Variants in FAT3 observed in about 807,000 individuals in gnomAD.
FAT3 encodes FAT atypical cadherin 3.
In FAT3, 95 loss-of-function variants were observed where a neutral mutation model predicts 310.2. The ratio of observed to expected loss-of-function variants is 0.31; its 90% confidence interval spans 0.26 to 0.36. The LOEUF (loss-of-function observed/expected upper bound fraction) is 0.36. Ranked by LOEUF, FAT3 falls within the 10% of genes least tolerant of loss-of-function variation. The probability of loss-of-function intolerance (pLI) is 1.00; values close to 1 mark genes in which losing one functional copy is unlikely to be tolerated. For missense variants in FAT3, 5,408 were observed against 5,715.6 expected, an observed-to-expected ratio of 0.95 and a Z score of 1.74; for synonymous variants, 2,314 against 2,192.9, an observed-to-expected ratio of 1.06 and a Z score of -1.54.
chr11:92,833,678 C>T (rs1388119582), intron 14 of FAT3, among the ~76,000 whole-genome samples: 1 of 152,156 alleles, frequency 6.6e-6, no homozygotes, highest in Non-Finnish European at 1.5e-5. Flanking sequence ...GGAGGAATTG[C>T]ATCACAGTCT....
intron 2 of FAT3, 115 bp downstream of exon 2, chr11:92,355,519 G>A (rs1341521332): frequency 7.5e-6 from 8 of 1,060,206 alleles, no homozygotes; most frequent in Non-Finnish European, 1.1e-5. Context: ...GGTTGCATTT[G>A]GTGCAGAGAC....
rs2136413453 is a variant in FAT3 at position 92,883,078 on chromosome 11, C to T, written c.12622C>T (p.Pro4208Ser). 1 of 1,613,894 alleles carries T rather than the reference C, an allele frequency of 6.2e-7. No individual in the cohort carries two copies. The highest frequency in any genetic ancestry group is 8.5e-7 in the Non-Finnish European group (1 of 1,179,898). ...AALLNKSNGI[P>S]FRNLRGSGDG... ...CCTGCTTAACAAGAGCAATGGCATC[C>T]CGTTCCGGAACCTGCGCGGCAGTGG... Residue 4208 changes from proline (P) to serine (S), a missense_variant, in exon 24 of 28, where the codon CCG (proline) becomes TCG (serine). Pro to Ser is a moderately conservative substitution (Grantham distance 74). Around this residue, in one of 5 missense-constraint regions of FAT3, gnomAD observed 649 missense variants for 666.2 expected, o/e 0.97. Coordinates refer to ENST00000525166, the MANE Select transcript of FAT3 (RefSeq NM_001367949.2). This position sits in a 1 kb window ranked among gnomAD's most constrained non-coding sequence, Gnocchi z 4.2.
intron 16 of FAT3, 40 bp from the exon 17 acceptor site, chr11:92,837,622 GC>G (rs1366971899): frequency 6.2e-7 from 1 of 1,608,972 alleles, no homozygotes; most frequent in Admixed American, 1.7e-5. Flanking sequence ...AAGGAAGGAA[GC>G]GCTACACCTC....
chr11:92,707,537 C>A (rs1475309493), intron 4 of FAT3, among the ~76,000 whole-genome samples: 1 of 152,148 alleles, frequency 6.6e-6, no homozygotes, highest in Admixed American at 6.5e-5. Flanking sequence ...CTGGCTTCTA[C>A]CTTCTTGGAG....
chr11:92,578,224 G>C (rs1339608160), intron 3 of FAT3, among the ~76,000 whole-genome samples: 1 of 62,484 alleles, frequency 1.6e-5, no homozygotes, highest in Non-Finnish European at 6.4e-5. Flanking sequence ...GACCAACACT[G>C]ATAATAATAT....
chr11:92,799,466 C>T lies in FAT3; in HGVS notation c.6453C>T (p.Asn2151=), dbSNP rs181544408. The T allele has an allele frequency of 6.2e-7, 1 of 1,613,714 alleles. No individual in the cohort carries two copies. The highest frequency in any genetic ancestry group is 1.3e-5 in the African/African-American group (1 of 75,032). ...LKEAFNSDLS[N]IEYGVTILAK... is the part of the protein sequence containing the mutation. The stretch of plus-strand genomic sequence containing the variant: ...AAGCATTCAACTCTGACTTGTCCAA[C>T]ATTGAGTATGGAGTCACCATCCTAG... The change falls in exon 10 of 28, where the codon AAC becomes AAT. Residue 2151 remains asparagine (N), a synonymous_variant. Coordinates refer to ENST00000525166, the MANE Select transcript of FAT3 (RefSeq NM_001367949.2).
At chr11:92,763,116 G>A (rs1186373575) in intron 5 of FAT3, among the ~76,000 whole-genome samples, 5 of 151,062 alleles carry the variant, frequency 3.3e-5, no homozygotes, top group African/African-American at 7.3e-5. Context: ...CCAAGACCAC[G>A]CCACTGCACT....
At chr11:92,526,586 T>C (rs1179271128) in intron 3 of FAT3, among the ~76,000 whole-genome samples, 5 of 152,174 alleles carry the variant, frequency 3.3e-5, no homozygotes, top group Non-Finnish European at 7.4e-5. Context: ...AAAAAATAAC[T>C]GTCACAGGGA....
chr11:92,438,923 T>G, intron 2 of FAT3, among the ~76,000 whole-genome samples: 1 of 152,238 alleles, frequency 6.6e-6, no homozygotes, highest in East Asian at 1.9e-4. Flanking sequence ...AAGGTTTGGC[T>G]ACACCACCAG....
rs149086437 is a variant in FAT3 at position 92,527,350 on chromosome 11, A to G, written c.3607+2402A>G. Among the ~76,000 whole-genome samples, 374 of 152,294 alleles carry G rather than the reference A, an allele frequency of 2.5e-3. 3 individuals are homozygous for G. Among genetic ancestry groups the G allele is most frequent in the African/African-American group, 8.3e-3 (344 of 41,564 alleles). On this transcript the variant is annotated intron_variant, in intron 3 of 27. Coordinates refer to ENST00000525166, the MANE Select transcript of FAT3 (RefSeq NM_001367949.2). The stretch of plus-strand genomic sequence containing the variant: ...AGTTGCAAGGAATATAGGAGTCCTC[A>G]CCAGAAATCCTTTGCACAGTGCCTG...
intron 12 of FAT3, among the ~76,000 whole-genome samples, chr11:92,808,052 A>G (rs1038689766): frequency 6.6e-6 from 1 of 152,224 alleles, no homozygotes; most frequent in African/African-American, 2.4e-5. Flanking sequence ...TGACTTAGCT[A>G]CATGGGAATA....
intron 3 of FAT3, among the ~76,000 whole-genome samples, chr11:92,675,066 A>C (rs191961390): frequency 2.6e-5 from 4 of 152,134 alleles, no homozygotes; most frequent in Admixed American, 2.0e-4. Flanking sequence ...CTCATGATTT[A>C]AAAAGGTGCC....
intron 21 of FAT3, among the ~76,000 whole-genome samples, chr11:92,862,410 CT>C (rs1447198733): frequency 3.9e-5 from 6 of 152,168 alleles, no homozygotes; most frequent in Non-Finnish European, 8.8e-5. Flanking sequence ...TAGGAGAACA[CT>C]TTATCTCTGT....
chr11:92,643,338 A>G (rs961673329), intron 3 of FAT3, among the ~76,000 whole-genome samples: 1 of 152,206 alleles, frequency 6.6e-6, no homozygotes, highest in Non-Finnish European at 1.5e-5. Flanking sequence ...CCCTGCAGTG[A>G]GCTGCCCTGA....
At chr11:92,773,899 C>T in intron 6 of FAT3, 142 bp from the exon 7 acceptor site, 2 of 693,356 alleles carry the variant, frequency 2.9e-6, no homozygotes, top group Non-Finnish European at 4.7e-6. Flanking sequence ...TAAAGAGGTC[C>T]CATTTAAGAT....
intron 1 of FAT3, among the ~76,000 whole-genome samples, chr11:92,338,102 G>A (rs1362973344): frequency 1.3e-5 from 2 of 152,166 alleles, no homozygotes; most frequent in Admixed American, 1.3e-4. Flanking sequence ...ACTCTTGTGG[G>A]ACATTAAAAT....
chr11:92,317,855 A>G (rs1463631105), intron 1 of FAT3, among the ~76,000 whole-genome samples: 1 of 152,152 alleles, frequency 6.6e-6, no homozygotes, highest in Non-Finnish European at 1.5e-5. Flanking sequence ...TTTGAAATAT[A>G]GTGCCTTGAT....
intron 2 of FAT3, among the ~76,000 whole-genome samples, chr11:92,442,109 ATATTTT>A (rs1951086384): frequency 4.0e-5 from 2 of 50,088 alleles, no homozygotes; most frequent in African/African-American, 3.0e-4. Flanking sequence ...ATATATATAT[ATATTTT>A]TTTTTTTTTT....
chr11:92,467,762 G>C (rs911240126), intron 2 of FAT3, among the ~76,000 whole-genome samples: 3 of 152,072 alleles, frequency 2.0e-5, no homozygotes, highest in African/African-American at 7.2e-5. Flanking sequence ...GGAGGCAATA[G>C]CATTTCTGTT....
Sources: allele counts gnomAD v4.1 joint callset (sites outside exome capture counted in the v4.1 genomes callset), GRCh38; gene constraint gnomAD v4.1.1; regional missense constraint gnomAD v4.1.1; non-coding constraint Gnocchi (gnomAD v3.1); transcripts MANE v1.5; gene names NCBI Gene and HGNC (gene_info 2026-07-23, HGNC 2026-07-21).